ASAP1: variants seen among roughly 807,000 people sequenced by gnomAD.
ASAP1 encodes arf-GAP with SH3 domain, ANK repeat and PH domain-containing protein 1.
ASAP1 carries 43 observed loss-of-function variants against 145.2 expected under a neutral mutation model. The observed-to-expected ratio is 0.30, with a 90% CI of 0.23 to 0.38. The LOEUF (loss-of-function observed/expected upper bound fraction) is 0.38, where lower values mean the gene tolerates loss of function less well. ASAP1 is among the 10% of genes least tolerant of loss of function. ASAP1 has a pLI of 1.00. For synonymous variants in ASAP1, 546 were observed against 515.5 expected (o/e 1.06, Z -0.80); for missense variants, 1,018 against 1,355.3 (o/e 0.75, Z 3.91).
intron 3 of ASAP1, among the ~76,000 whole-genome samples, chr8:130,267,250 C>T (rs772141068): frequency 1.3e-5 from 2 of 151,890 alleles, no homozygotes; most frequent in Non-Finnish European, 2.9e-5. Context: ...TTAACCCTAG[C>T]GACAGCTCCT....
chr8:130,158,153 A>G (rs76809440), intron 12 of ASAP1, among the ~76,000 whole-genome samples: 16,215 of 152,074 alleles, frequency 0.11, 990 homozygotes, highest in South Asian at 0.28. Flanking sequence ...CATGTCTCAG[A>G]TTAAGCCAAG....
chr8:130,233,115 G>C (rs1818008268), intron 4 of ASAP1, among the ~76,000 whole-genome samples: 1 of 152,162 alleles, frequency 6.6e-6, no homozygotes, highest in Non-Finnish European at 1.5e-5. Flanking sequence ...TAGTCTGTGA[G>C]GAACCCAGAG....
chr8:130,057,476 T>TCTCG (rs1491365578), intron 29 of ASAP1, among the ~76,000 whole-genome samples: 3 of 151,914 alleles, frequency 2.0e-5, no homozygotes, highest in African/African-American at 7.3e-5. Context: ...TCAGATGGAG[T>TCTCG]CTCGCTCTGT....
intron 5 of ASAP1, among the ~76,000 whole-genome samples, chr8:130,202,158 A>G (rs933328477): frequency 1.3e-5 from 2 of 152,122 alleles, no homozygotes; most frequent in Admixed American, 1.3e-4. Context: ...AATTTTTCAG[A>G]AGTCAAAGAA....
intron 3 of ASAP1, among the ~76,000 whole-genome samples, chr8:130,342,281 CTCG>C (rs769256004): frequency 2.2e-4 from 33 of 152,142 alleles, no homozygotes; most frequent in Non-Finnish European, 4.4e-4. Flanking sequence ...ACTGCACATC[CTCG>C]TCAAGTCACT....
chr8:130,325,468 G>A (rs546936846), intron 3 of ASAP1, among the ~76,000 whole-genome samples: 28 of 152,164 alleles, frequency 1.8e-4, no homozygotes, highest in Non-Finnish European at 3.1e-4. Flanking sequence ...ATCATATTTT[G>A]TTCACTCTAT....
At chr8:130,243,531 G>A (rs2136750564) in intron 3 of ASAP1, among the ~76,000 whole-genome samples, 2 of 152,146 alleles carry the variant, frequency 1.3e-5, no homozygotes, top group Middle Eastern at 6.8e-3. Context: ...TGCCTGCAAG[G>A]CCCTACGTGA....
At chr8:130,345,166 A>G (rs1481450717) in intron 3 of ASAP1, among the ~76,000 whole-genome samples, 5 of 152,196 alleles carry the variant, frequency 3.3e-5, no homozygotes, top group Admixed American at 1.3e-4. Context: ...AAATGAGAAT[A>G]TATTATAACA....
chr8:130,422,033 GGT>G (rs1428642989), intron 1 of ASAP1, among the ~76,000 whole-genome samples: 1 of 152,174 alleles, frequency 6.6e-6, no homozygotes, highest in Non-Finnish European at 1.5e-5. Context: ...AGGTAGAGGG[GGT>G]GGGCACAAAC....
At chr8:130,360,665 GTAAA>G (rs1373410078) in intron 2 of ASAP1, 1 of 152,224 alleles carries the variant, frequency 6.6e-6, no homozygotes, top group Non-Finnish European at 1.5e-5. Context: ...TAAAAAATTA[GTAAA>G]TAAATAAACA....
At chr8:130,347,874 C>T (rs191116109) in intron 3 of ASAP1, among the ~76,000 whole-genome samples, 1 of 152,328 alleles carries the variant, frequency 6.6e-6, no homozygotes. Flanking sequence ...TAAAATATCT[C>T]CCATGAATCC....
At chr8:130,120,187 T>C (rs532819739) in intron 18 of ASAP1, among the ~76,000 whole-genome samples, 1 of 152,328 alleles carries the variant, frequency 6.6e-6, no homozygotes, top group African/African-American at 2.4e-5. Flanking sequence ...AAAGTCCTTT[T>C]TAGGATGGCT....
intron 24 of ASAP1, among the ~76,000 whole-genome samples, chr8:130,101,067 C>T (rs1356263661): frequency 6.6e-6 from 1 of 152,114 alleles, no homozygotes; most frequent in East Asian, 1.9e-4. Context: ...TCTTTGCACC[C>T]TTATCAAAAA....
intron 1 of ASAP1, among the ~76,000 whole-genome samples, chr8:130,430,940 G>A (rs996940781): frequency 6.6e-6 from 1 of 152,170 alleles, no homozygotes; most frequent in African/African-American, 2.4e-5. Flanking sequence ...GGAGAAGACC[G>A]GAGAGAAGGG....
intron 1 of ASAP1, among the ~76,000 whole-genome samples, chr8:130,413,298 G>A (rs925754167): frequency 2.9e-4 from 44 of 152,302 alleles, no homozygotes; most frequent in African/African-American, 9.1e-4. Context: ...GACCAGCCTC[G>A]CTCGAGCTCA....
intron 3 of ASAP1, among the ~76,000 whole-genome samples, chr8:130,262,416 A>AAAAAAAAAAGAGAG (rs1819974520): frequency 5.2e-5 from 3 of 57,868 alleles, no homozygotes; most frequent in African/African-American, 2.0e-4. Flanking sequence ...AAAAAAAAAA[A>AAAAAAAAAAGAGAG]AGAGAGAGAG....
intron 4 of ASAP1, among the ~76,000 whole-genome samples, chr8:130,222,030 C>A (rs944133076): frequency 4.6e-5 from 7 of 152,230 alleles, no homozygotes; most frequent in Non-Finnish European, 8.8e-5. Flanking sequence ...TCCTTGGCCA[C>A]TGCATTGGAG....
intron 2 of ASAP1, among the ~76,000 whole-genome samples, chr8:130,390,841 C>T (rs1410837954): frequency 1.3e-5 from 2 of 151,166 alleles, no homozygotes; most frequent in Non-Finnish European, 2.9e-5. Context: ...TAAACTGGTA[C>T]AGAATGTAAA....
chr8:130,189,450 C>G (rs1031454621), intron 5 of ASAP1, among the ~76,000 whole-genome samples: 11 of 152,154 alleles, frequency 7.2e-5, no homozygotes, highest in African/African-American at 2.7e-4. Context: ...TTTCACCTAA[C>G]ATAATGTTGG....
Sources: gnomAD v4.1 joint callset for allele counts (sites outside exome capture counted in the v4.1 genomes callset) on GRCh38, gnomAD v4.1.1 for gene constraint, MANE v1.5 for transcripts, NCBI Gene and HGNC (gene_info 2026-07-23, HGNC 2026-07-21) for gene names.